Variants in GSE1 observed in about 807,000 individuals in gnomAD.
GSE1 encodes genetic suppressor element 1.
A neutral mutation model predicts 112.6 loss-of-function variants in GSE1; 32 were observed. The observed-to-expected ratio is 0.28, with a 90% CI of 0.21 to 0.38. GSE1 has a LOEUF of 0.38. Ranked by LOEUF, GSE1 falls within the 10% of genes least tolerant of loss-of-function variation. GSE1 has a pLI of 1.00. For synonymous variants in GSE1, 1,115 were observed against 735.6 expected, an observed-to-expected ratio of 1.52 and a Z score of -8.35; for missense variants, 2,348 against 1,699.2, an observed-to-expected ratio of 1.38 and a Z score of -6.71.
At chr16:85,289,135 G>A (rs1295831936) in intron 1 of GSE1, among the ~76,000 whole-genome samples, 4 of 152,118 alleles carry the variant, frequency 2.6e-5, no homozygotes, top group African/African-American at 9.7e-5. Context: ...CTGAGTTTCC[G>A]GCAGGGTGTC....
rs147528394 is a variant in GSE1, at chr16:85,455,381, AAGAGAG to A, written c.2464+97756_2464+97761del. ...GACAGAGCAAGACCTGGCATTACAA[AAGAGAG>A]AGAGAGAGAGAGAGAGAAAGAAAGA... On this transcript the variant is annotated intron_variant, in intron 2 of 2. Coordinates refer to the GSE1 transcript ENST00000637419. Among the ~76,000 whole-genome samples the A allele has an allele frequency of 2.7e-3, 400 of 149,734 alleles. 1 individual carries two copies. Among genetic ancestry groups the A allele is most frequent in the African/African-American group, 8.3e-3 (337 of 40,786 alleles).
At chr16:85,219,304 G>A (rs559200732) in intron 1 of GSE1, among the ~76,000 whole-genome samples, 2 of 152,342 alleles carry the variant, frequency 1.3e-5, no homozygotes, top group East Asian at 3.9e-4. Context: ...GTGAGCCACC[G>A]TGCCCGGCCA....
chr16:85,615,327 C>T (rs1046611722), intron 1 of GSE1, among the ~76,000 whole-genome samples: 2 of 152,230 alleles, frequency 1.3e-5, no homozygotes, highest in African/African-American at 4.8e-5. Flanking sequence ...AGGCCCTGGC[C>T]TGCGAGAGCA....
At chr16:85,585,420 G>C (rs948883198) in intron 1 of GSE1, among the ~76,000 whole-genome samples, 29 of 152,364 alleles carry the variant, frequency 1.9e-4, no homozygotes, top group African/African-American at 6.3e-4. Flanking sequence ...TGACCCCTGA[G>C]CTTGGAGGCC....
intron 1 of GSE1, among the ~76,000 whole-genome samples, chr16:85,213,394 A>G (rs1042661130): frequency 2.6e-5 from 4 of 152,192 alleles, no homozygotes; most frequent in African/African-American, 7.2e-5. Flanking sequence ...TGGAGACTGT[A>G]GTGAGCTATC....
chr16:85,518,771 C>T (rs957187536), intron 2 of GSE1, among the ~76,000 whole-genome samples: 27 of 152,014 alleles, frequency 1.8e-4, no homozygotes, highest in Non-Finnish European at 3.7e-4. Context: ...GTGGGTTTAG[C>T]ACCCCTGTGG....
At chr16:85,271,258 C>A (rs569755881) in intron 1 of GSE1, among the ~76,000 whole-genome samples, 1 of 152,256 alleles carries the variant, frequency 6.6e-6, no homozygotes, top group Non-Finnish European at 1.5e-5. Flanking sequence ...CAGTTGCCCA[C>A]CAGGGTGACT....
chr16:85,326,035 C>G (rs534398093), intron 1 of GSE1, among the ~76,000 whole-genome samples: 1 of 152,330 alleles, frequency 6.6e-6, no homozygotes, highest in Non-Finnish European at 1.5e-5. Context: ...GTGTGAGCCA[C>G]CACCCCCAGC....
intron 1 of GSE1, among the ~76,000 whole-genome samples, chr16:85,564,128 C>A (rs9921154): frequency 0.62 from 94,943 of 152,040 alleles, 29,930 homozygotes; most frequent in East Asian, 0.81. Flanking sequence ...GAGCTGAGCA[C>A]AGATGGATTG....
chr16:85,664,800 A>G (rs940040188), intron 11 of GSE1: 3 of 512,880 alleles, frequency 5.8e-6, no homozygotes, highest in African/African-American at 1.9e-5. Context: ...TCTTTGGAGC[A>G]CGTCTAGGAC....
At position 85,654,363 on chromosome 16, in the gene GSE1, C is replaced by T. The variant is rs2051716284; in HGVS notation, c.512C>T (p.Ala171Val). ...CCTCAGGAGAAGGCAGGGGGACCAG[C>T]CATCCCCTCGCACCTGCTCAGCACC... is the stretch of plus-strand genomic sequence containing the variant. ...PLPQEKAGGP[A>V]IPSHLLSTPY... Residue 171 changes from alanine (A) to valine (V), a missense_variant, in exon 4 of 16, where the codon GCC becomes GTC. Physicochemically the swap from Ala to Val is moderately conservative, Grantham distance 64. Coordinates refer to ENST00000253458, the MANE Select transcript of GSE1 (RefSeq NM_014615.5). The T allele has an allele frequency of 1.2e-6, 2 of 1,611,668 alleles. No individual in the cohort carries two copies. The highest frequency in any genetic ancestry group is 1.7e-4 in the Middle Eastern group (1 of 6,040).
At chr16:85,354,907 C>T (rs1380062938) in intron 1 of GSE1, among the ~76,000 whole-genome samples, 3 of 152,244 alleles carry the variant, frequency 2.0e-5, no homozygotes, top group Admixed American at 6.5e-5. Flanking sequence ...CACCTTGGTA[C>T]AGGCCCCAGG....
Position 85,475,879 on chromosome 16 carries a change from C to T in GSE1, c.2464+118236C>T, listed in dbSNP as rs2050438192. Among the ~76,000 whole-genome samples, 5 of 151,814 alleles carry T rather than the reference C, an allele frequency of 3.3e-5. No homozygotes were observed. In the South Asian group the frequency reaches 1.0e-3, roughly 32 times the overall value. ...GCTCAAGTGATCGTTCCACCTCAGC[C>T]TCCCTAAGCGCTAGCATTACAGGTG... On this transcript the variant is annotated intron_variant, in intron 2 of 2. Coordinates refer to the GSE1 transcript ENST00000637419.
rs548576587 is a variant in GSE1 at position 85,652,050 on chromosome 16, T to C, written c.427-2228T>C. Among the ~76,000 whole-genome samples the C allele has an allele frequency of 5.8e-3, 883 of 152,308 alleles. 6 individuals are homozygous for C. Among genetic ancestry groups the C allele is most frequent in the South Asian group, 0.041 (197 of 4,826 alleles). On this transcript the variant is annotated intron_variant, in intron 3 of 15. Coordinates refer to ENST00000253458, the MANE Select transcript of GSE1 (RefSeq NM_014615.5). Reference sequence around the variant, plus strand: ...CAGCCTGGAAATAGCCTCACGGGGCTGGGGTAGGCAGGCCAGCCTGGCAAC... The same window carrying C: ...CAGCCTGGAAATAGCCTCACGGGGCCGGGGTAGGCAGGCCAGCCTGGCAAC...
At chr16:85,509,879 G>A (rs1426662127) in intron 2 of GSE1, among the ~76,000 whole-genome samples, 1 of 152,208 alleles carries the variant, frequency 6.6e-6, no homozygotes, top group African/African-American at 2.4e-5. Flanking sequence ...CCCACGTCCT[G>A]ATCCCTTCGT....
chr16:85,293,072 C>G (rs529345451), intron 1 of GSE1, among the ~76,000 whole-genome samples: 2 of 152,312 alleles, frequency 1.3e-5, no homozygotes, highest in East Asian at 3.9e-4. Context: ...ACACCTCCCT[C>G]TCTCCGCAGT....
At chr16:85,630,459 C>T (rs1411370701) in intron 1 of GSE1, among the ~76,000 whole-genome samples, 2 of 152,108 alleles carry the variant, frequency 1.3e-5, no homozygotes, top group African/African-American at 2.4e-5. Context: ...TCCTCCCAAA[C>T]AGCGGAGATT....
Position 85,296,314 on chromosome 16 carries a change from A to G in GSE1, c.2284-61149A>G, listed in dbSNP as rs375341456. Among the ~76,000 whole-genome samples, 31 of 152,276 alleles carry G rather than the reference A, an allele frequency of 2.0e-4. 1 individual carries two copies. In the East Asian group the frequency reaches 5.8e-3, roughly 28 times the overall value. ...CGGGGTCAGGTAGTTTCATTAAAAC[A>G]AAACAAAGGGCCGGGTGCAGTGGCT... On this transcript the variant is annotated intron_variant, in intron 1 of 2. Transcript: ENST00000637419.
At chr16:85,415,592 T>G (rs2048685965) in intron 2 of GSE1, among the ~76,000 whole-genome samples, 1 of 152,210 alleles carries the variant, frequency 6.6e-6, no homozygotes, top group Non-Finnish European at 1.5e-5. Context: ...AGCAAACCCT[T>G]CTACAGCAGC....
Sources: allele counts gnomAD v4.1 joint callset (sites outside exome capture counted in the v4.1 genomes callset), GRCh38; gene constraint gnomAD v4.1.1; transcripts MANE v1.5; gene names NCBI Gene and HGNC (gene_info 2026-07-23, HGNC 2026-07-21).